Variants in KLHL2 observed in about 807,000 individuals in gnomAD.
KLHL2 encodes kelch like family member 2.
In KLHL2, 15 loss-of-function variants were observed where a neutral mutation model predicts 75.8. The observed-to-expected ratio is 0.20, with a 90% CI of 0.13 to 0.30. The LOEUF (loss-of-function observed/expected upper bound fraction) is 0.30. Among genes scored for constraint, KLHL2 ranks in the 10% least tolerant of loss-of-function variants. The pLI is 1.00. For synonymous variants in KLHL2, 214 were observed against 251.9 expected, an observed-to-expected ratio of 0.85 and a Z score of 1.42; for missense variants, 381 against 741.0, an observed-to-expected ratio of 0.51 and a Z score of 5.64.
chr4:165,315,837 A>G (rs1746552256), intron 13 of KLHL2, among the ~76,000 whole-genome samples: 1 of 152,214 alleles, frequency 6.6e-6, no homozygotes, highest in African/African-American at 2.4e-5. Context: ...AGGTGAAAGC[A>G]TCCATATAAA....
rs142534596 is a variant in KLHL2, at chr4:165,313,745, C to T, written c.1469-281C>T. On this transcript the variant is annotated intron_variant, in intron 12 of 14. Transcript: ENST00000226725. ...ATGGATATTGTTTTCAAAAGGATTACATTAAAGGACTTTTTCCCTCCCTGT... is the reference window on the plus strand; with the variant it reads ...ATGGATATTGTTTTCAAAAGGATTATATTAAAGGACTTTTTCCCTCCCTGT... Among the ~76,000 whole-genome samples the T allele has an allele frequency of 9.5e-3, 1,441 of 152,158 alleles. 12 individuals are homozygous for T. The highest frequency in any genetic ancestry group is 0.021 in the South Asian group (103 of 4,818).
chr4:165,320,558 T>C (rs555053227), intron 14 of KLHL2, among the ~76,000 whole-genome samples: 1 of 152,254 alleles, frequency 6.6e-6, no homozygotes, highest in African/African-American at 2.4e-5. Context: ...TCAGTGACCA[T>C]AGGAACCTTA....
At chr4:165,275,533 C>A (rs1328387518) in intron 5 of KLHL2, among the ~76,000 whole-genome samples, 3 of 152,208 alleles carry the variant, frequency 2.0e-5, no homozygotes, top group Non-Finnish European at 4.4e-5. Flanking sequence ...CTCACCACTT[C>A]CCATACTGAA....
At chr4:165,273,812 T>A (rs1742872354) in intron 5 of KLHL2, among the ~76,000 whole-genome samples, 1 of 152,226 alleles carries the variant, frequency 6.6e-6, no homozygotes, top group African/African-American at 2.4e-5. Flanking sequence ...TTCCTCATAG[T>A]GAAACTATCT....
rs542498602 is a variant in KLHL2 at position 165,222,358 on chromosome 4, G to A, written c.152+2299G>A. Among the ~76,000 whole-genome samples the A allele has an allele frequency of 2.1e-3, 323 of 152,186 alleles. 1 individual carries two copies. The highest frequency in any genetic ancestry group is 5.8e-3 in the Admixed American group (88 of 15,282). On this transcript the variant is annotated intron_variant, in intron 2 of 14. Transcript: ENST00000226725. ...TGCCTGGCCCTAGGATTATTTATAAGCTCCAGTCTTCATTCATCTGTTTGC... is the reference window on the plus strand; with the variant it reads ...TGCCTGGCCCTAGGATTATTTATAAACTCCAGTCTTCATTCATCTGTTTGC...
chr4:165,231,513 CA>C (rs1452477824), intron 3 of KLHL2, among the ~76,000 whole-genome samples: 1 of 152,174 alleles, frequency 6.6e-6, no homozygotes, highest in Non-Finnish European at 1.5e-5. Context: ...CTGCCATCAC[CA>C]TAAATCAATT....
intron 9 of KLHL2, among the ~76,000 whole-genome samples, chr4:165,310,112 C>T (rs1450896586): frequency 7.2e-5 from 11 of 152,102 alleles, no homozygotes; most frequent in Non-Finnish European, 1.0e-4. Flanking sequence ...CCAAGGCGGG[C>T]AGATCACGAG....
At chr4:165,224,332 A>G (rs1383353276) in intron 2 of KLHL2, among the ~76,000 whole-genome samples, 1 of 152,114 alleles carries the variant, frequency 6.6e-6, no homozygotes, top group African/African-American at 2.4e-5. Flanking sequence ...TATTAGCTTT[A>G]TTTACAAGGA....
At chr4:165,251,875 C>G (rs1225412341) in intron 4 of KLHL2, among the ~76,000 whole-genome samples, 4 of 152,086 alleles carry the variant, frequency 2.6e-5, no homozygotes, top group Non-Finnish European at 4.4e-5. Flanking sequence ...TCCCAAAGTG[C>G]TGGGATTACA....
chr4:165,313,808 G>C (rs867317306), intron 12 of KLHL2, among the ~76,000 whole-genome samples: 30 of 152,102 alleles, frequency 2.0e-4, no homozygotes, highest in African/African-American at 6.7e-4. Context: ...TATTCTGTTT[G>C]ACATGCCTCT....
At chr4:165,274,220 A>C (rs1176632740) in intron 5 of KLHL2, among the ~76,000 whole-genome samples, 1 of 152,148 alleles carries the variant, frequency 6.6e-6, no homozygotes, top group East Asian at 1.9e-4. Flanking sequence ...AGCAGAAGGG[A>C]GGAGAAAGAA....
intron 11 of KLHL2, among the ~76,000 whole-genome samples, chr4:165,312,935 G>T (rs1036709317): frequency 3.3e-5 from 5 of 152,062 alleles, no homozygotes; most frequent in Admixed American, 6.6e-5. Context: ...ACAGGATGTT[G>T]TTCACTTATC....
In KLHL2 at chr4:165,294,382, C is replaced by T; in HGVS notation, c.568C>T (p.Leu190Phe). 1.9e-6 allele frequency: 3 copies of T among 1,608,604 alleles called. No individual in the cohort carries two copies. Among genetic ancestry groups the T allele is most frequent in the South Asian group, 1.1e-5 (1 of 90,914 alleles). Residue 190 changes from leucine (L) to phenylalanine (F), a missense_variant, in exon 6 of 15, where the codon CTT becomes TTT. Around this residue, in one of 5 missense-constraint regions of KLHL2, gnomAD observed 111 missense variants for 150.1 expected, o/e 0.74. Transcript: ENST00000226725. ...YAEQHFADVV[L>F]SEEFLNLGIE... ...AGAGCAACATTTTGCAGATGTTGTACTTAGTGAAGAATTTCTCAATCTTGG... is the reference window on the plus strand; with the variant it reads ...AGAGCAACATTTTGCAGATGTTGTATTTAGTGAAGAATTTCTCAATCTTGG...
chr4:165,210,234 C>T (rs1324143305), intron 1 of KLHL2: 2 of 1,451,104 alleles, frequency 1.4e-6, no homozygotes, highest in African/African-American at 1.4e-5. Flanking sequence ...ATGCCTGTCT[C>T]TGCCTGGCAC....
intron 4 of KLHL2, among the ~76,000 whole-genome samples, chr4:165,240,749 C>A (rs1455379102): frequency 2.0e-5 from 3 of 152,068 alleles, no homozygotes; most frequent in African/African-American, 7.2e-5. Flanking sequence ...TTATATTTGA[C>A]CTTCAACAAA....
At chr4:165,266,750 G>A (rs1742273634) in intron 5 of KLHL2, among the ~76,000 whole-genome samples, 1 of 152,192 alleles carries the variant, frequency 6.6e-6, no homozygotes, top group Non-Finnish European at 1.5e-5. Context: ...AAGTCAGGTA[G>A]CGTGATGCCT....
chr4:165,207,782 G>T lies in KLHL2; in HGVS notation c.-95G>T. 1 of 1,148,794 alleles carries T rather than the reference G, an allele frequency of 8.7e-7. No homozygotes were observed. The highest frequency in any genetic ancestry group is 1.2e-6 in the Non-Finnish European group (1 of 852,404). The allele number at this position is 1,148,794 out of a possible 1,614,324, so 71.2% of individuals were successfully genotyped here. ...GCGCCCCCTCCGGGGCGGATGGAACGCGGCTCGGCGGGCGGGCAGTGCCGG... is the reference window on the plus strand; with the variant it reads ...GCGCCCCCTCCGGGGCGGATGGAACTCGGCTCGGCGGGCGGGCAGTGCCGG... On this transcript the variant is annotated 5_prime_UTR_variant, in exon 1 of 15. Transcript: ENST00000226725. The surrounding 1 kb of genome is among the most constrained non-coding windows in gnomAD (Gnocchi z 4.2).
chr4:165,274,903 C>G (rs897183137), intron 5 of KLHL2, among the ~76,000 whole-genome samples: 2 of 150,512 alleles, frequency 1.3e-5, no homozygotes, highest in Admixed American at 6.6e-5. Flanking sequence ...ATGTGGAATC[C>G]ACGCTGCTCA....
In KLHL2 at chr4:165,207,818, T is replaced by A; in HGVS notation, c.-59T>A. 7.1e-7 allele frequency: 1 copy of A among 1,399,338 alleles called. No homozygotes were observed. The highest frequency in any genetic ancestry group is 1.4e-5 in the South Asian group (1 of 73,814). The allele number at this position is 1,399,338 out of a possible 1,614,324, so 86.7% of individuals were successfully genotyped here. A position where few individuals can be genotyped will look rare whatever the true frequency, so the allele number is the denominator to read the frequency against. ...GGCGGGCAGTGCCGGCGTCCGCGGC[T>A]GGAATGGTGCTGGCTGTGTTGGTCG... On this transcript the variant is annotated 5_prime_UTR_variant, in exon 1 of 15. Coordinates refer to ENST00000226725, the MANE Select transcript of KLHL2 (RefSeq NM_007246.4). The surrounding 1 kb of genome is among the most constrained non-coding windows in gnomAD (Gnocchi z 4.2).
Sources: allele counts gnomAD v4.1 joint callset (sites outside exome capture counted in the v4.1 genomes callset), GRCh38; gene constraint gnomAD v4.1.1; regional missense constraint gnomAD v4.1.1; non-coding constraint Gnocchi (gnomAD v3.1); transcripts MANE v1.5; gene names NCBI Gene and HGNC (gene_info 2026-07-23, HGNC 2026-07-21).